Variants in LHFPL2 observed in about 807,000 individuals in gnomAD.
LHFPL2 encodes LHFPL tetraspan subfamily member 2 protein.
Under a neutral mutation model 17.5 loss-of-function variants are expected in LHFPL2, and 7 were observed. The ratio of observed to expected loss-of-function variants is 0.40; its 90% CI spans 0.23 to 0.75. LHFPL2 has a LOEUF of 0.75. Among genes scored for constraint, LHFPL2 ranks in the 30% least tolerant of loss-of-function variants. The pLI, the probability that LHFPL2 is intolerant of heterozygous loss-of-function variation, is 0.37. For missense variants in LHFPL2, 241 were observed against 294.8 expected (o/e 0.82, Z 1.34); for synonymous variants, 134 against 116.2 (o/e 1.15, Z -0.99).
intron 2 of LHFPL2, among the ~76,000 whole-genome samples, chr5:78,630,025 T>C (rs979722098): frequency 9.2e-5 from 14 of 152,348 alleles, no homozygotes; most frequent in Admixed American, 7.8e-4. Context: ...AACCACTTCT[T>C]GGACTACTTG....
chr5:78,573,665 C>A (rs1288558058), intron 2 of LHFPL2, among the ~76,000 whole-genome samples: 1 of 152,200 alleles, frequency 6.6e-6, no homozygotes, highest in Non-Finnish European at 1.5e-5. Flanking sequence ...TCTTTTTTCC[C>A]CCCATGTTAG....
At chr5:78,542,270 G>C (rs1756136181) in intron 3 of LHFPL2, among the ~76,000 whole-genome samples, 1 of 152,152 alleles carries the variant, frequency 6.6e-6, no homozygotes, top group Non-Finnish European at 1.5e-5. Context: ...AGAGGCTCCA[G>C]TTTCTGAATG....
At position 78,486,098 on chromosome 5, in the gene LHFPL2, TTAAA is replaced by T. The variant is rs1754231142; in HGVS notation, c.*2795_*2798del. 6.6e-6 allele frequency: 1 copy of T among 152,646 alleles called. No homozygotes were observed. Among genetic ancestry groups the T allele is most frequent in the African/African-American group, 2.4e-5 (1 of 41,448 alleles). 9.5% of individuals were successfully genotyped at this position (152,646 alleles called of 1,614,324 possible). A position where few individuals can be genotyped will look rare whatever the true frequency, so the allele number is the denominator to read the frequency against. ...GTATGTATAATATACATATATATTTTTAAATATGCTACACATAAAAAAAGACTAT... is the reference window on the plus strand; with the variant it reads ...GTATGTATAATATACATATATATTTTTATGCTACACATAAAAAAAGACTAT... On this transcript the variant is annotated 3_prime_UTR_variant, in exon 5 of 5. Transcript: ENST00000380345.
At chr5:78,570,434 T>C in intron 2 of LHFPL2, among the ~76,000 whole-genome samples, 1 of 151,994 alleles carries the variant, frequency 6.6e-6, no homozygotes, top group Non-Finnish European at 1.5e-5. Context: ...GATCCTCCAG[T>C]GGGTGTGTTT....
chr5:78,599,583 A>C (rs763765159), intron 2 of LHFPL2, among the ~76,000 whole-genome samples: 2 of 151,990 alleles, frequency 1.3e-5, no homozygotes, highest in Non-Finnish European at 2.9e-5. Flanking sequence ...CTGGGATTAC[A>C]GGCATGAGCC....
At chr5:78,599,914 T>C (rs1170485523) in intron 2 of LHFPL2, among the ~76,000 whole-genome samples, 2 of 152,142 alleles carry the variant, frequency 1.3e-5, no homozygotes, top group African/African-American at 4.8e-5. Context: ...AGACAAATTT[T>C]TGAAGTGACG....
chr5:78,568,257 ACT>A (rs1054784891), intron 2 of LHFPL2, among the ~76,000 whole-genome samples: 1 of 152,220 alleles, frequency 6.6e-6, no homozygotes, highest in African/African-American at 2.4e-5. Flanking sequence ...CAAAGTAGGC[ACT>A]GTTTATTCCA....
rs189603154 is a variant in LHFPL2, at chr5:78,579,492, C to G, written c.-244-14621G>C. ...CATCTCCCAGTGCTAACCCTCCCCC[C>G]TTCCCCGACCCCACAACAGGCCCCA... On this transcript the variant is annotated intron_variant, in intron 2 of 4. Coordinates refer to ENST00000380345, the MANE Select transcript of LHFPL2 (RefSeq NM_005779.3). Among the ~76,000 whole-genome samples, 4 of 152,274 alleles carry G rather than the reference C, an allele frequency of 2.6e-5. No individual in the cohort carries two copies. In the East Asian group the frequency reaches 5.8e-4, roughly 22 times the overall value.
chr5:78,569,747 A>G (rs961310489), intron 2 of LHFPL2, among the ~76,000 whole-genome samples: 3 of 152,202 alleles, frequency 2.0e-5, no homozygotes, highest in Non-Finnish European at 2.9e-5. Flanking sequence ...CGGCCCTGCC[A>G]CTCAACCACA....
At chr5:78,524,773 ATCCTCAGAATC>A (rs1162076725) in intron 3 of LHFPL2, among the ~76,000 whole-genome samples, 1 of 151,542 alleles carries the variant, frequency 6.6e-6, no homozygotes, top group Non-Finnish European at 1.5e-5. Context: ...ATTGTTAGAC[ATCCTCAGAATC>A]TCAAAAGTTA....
intron 2 of LHFPL2, among the ~76,000 whole-genome samples, chr5:78,576,314 A>T (rs1456278705): frequency 6.6e-6 from 1 of 151,416 alleles, no homozygotes; most frequent in Non-Finnish European, 1.5e-5. Context: ...AAAAAGATAA[A>T]TTTTTACTCA....
chr5:78,644,533 T>C (rs1580888496), intron 1 of LHFPL2: 1 of 574,200 alleles, frequency 1.7e-6, no homozygotes, highest in Non-Finnish European at 3.2e-6. Flanking sequence ...ACACTCAGAA[T>C]AGAACAAGAA....
At chr5:78,594,229 A>G (rs769308754) in intron 2 of LHFPL2, among the ~76,000 whole-genome samples, 1 of 152,224 alleles carries the variant, frequency 6.6e-6, no homozygotes, top group Non-Finnish European at 1.5e-5. Flanking sequence ...GCTTAAAGAC[A>G]TTCGGCCCTA....
chr5:78,635,043 C>T (rs1490625691), intron 1 of LHFPL2, among the ~76,000 whole-genome samples: 1 of 152,110 alleles, frequency 6.6e-6, no homozygotes, highest in Non-Finnish European at 1.5e-5. Flanking sequence ...ACAGACATTC[C>T]CAGAGTTCTG....
intron 2 of LHFPL2, among the ~76,000 whole-genome samples, chr5:78,575,086 T>G (rs1757095133): frequency 6.6e-6 from 1 of 152,170 alleles, no homozygotes; most frequent in Non-Finnish European, 1.5e-5. Flanking sequence ...TGCCAGTGGA[T>G]TATAAAACAG....
Position 78,570,610 on chromosome 5 carries a change from A to AATATATATATACGTATATATATAGTAT in LHFPL2, c.-244-5766_-244-5740dup, listed in dbSNP as rs1430869125. 1.1e-3 allele frequency among the ~76,000 whole-genome samples: 157 copies of AATATATATATACGTATATATATAGTAT among 148,504 alleles called. 1 individual carries two copies. Among genetic ancestry groups the AATATATATATACGTATATATATAGTAT allele is most frequent in the Middle Eastern group, 3.6e-3 (1 of 280 alleles). The stretch of plus-strand genomic sequence containing the variant: ...CTCAACTGTCTTGCTTTTAACCTTG[A>AATATATATATACGTATATATATAGTAT]ATATATATATACGTATATATATAGT... On this transcript the variant is annotated intron_variant, in intron 2 of 4. Coordinates refer to ENST00000380345, the MANE Select transcript of LHFPL2 (RefSeq NM_005779.3).
chr5:78,490,186 C>G (rs1428827599), intron 4 of LHFPL2, among the ~76,000 whole-genome samples: 2 of 152,194 alleles, frequency 1.3e-5, no homozygotes, highest in East Asian at 3.9e-4. Context: ...TTTTCCTGTT[C>G]TTCACAGCAT....
At chr5:78,558,603 A>G (rs1190735484) in intron 3 of LHFPL2, among the ~76,000 whole-genome samples, 2 of 152,156 alleles carry the variant, frequency 1.3e-5, no homozygotes, top group African/African-American at 4.8e-5. Context: ...CAGCCTCCTG[A>G]ATACTGGGAT....
At chr5:78,624,056 T>G (rs538354584) in intron 2 of LHFPL2, among the ~76,000 whole-genome samples, 1 of 152,250 alleles carries the variant, frequency 6.6e-6, no homozygotes, top group Non-Finnish European at 1.5e-5. Flanking sequence ...CAAGCTCTAA[T>G]AGCCTAGACA....
Sources: allele counts gnomAD v4.1 joint callset (sites outside exome capture counted in the v4.1 genomes callset), GRCh38; gene constraint gnomAD v4.1.1; transcripts MANE v1.5; gene names NCBI Gene and HGNC (gene_info 2026-07-23, HGNC 2026-07-21).